CMBL: variants seen among roughly 807,000 people sequenced by gnomAD.
The protein encoded by CMBL is carboxymethylenebutenolidase homolog (Pseudomonas).
Under a neutral mutation model 28.7 loss-of-function variants are expected in CMBL, and 17 were observed. The ratio of observed to expected loss-of-function variants is 0.59; its 90% CI spans 0.41 to 0.89. The LOEUF is 0.89. CMBL is among the 40% of genes least tolerant of loss of function. The pLI is 0.00. For synonymous variants in CMBL, 106 were observed against 101.6 expected, an observed-to-expected ratio of 1.04 and a Z score of -0.26; for missense variants, 310 against 298.5, an observed-to-expected ratio of 1.04 and a Z score of -0.28.
rs998513405 is a variant in CMBL, at chr5:10,279,107, G to A, written c.*1346C>T. 2.0e-5 allele frequency among the ~76,000 whole-genome samples: 3 copies of A among 152,094 alleles called. No homozygotes were observed. Among genetic ancestry groups the A allele is most frequent in the Non-Finnish European group, 2.9e-5 (2 of 68,034 alleles). On this transcript the variant is annotated 3_prime_UTR_variant, in exon 6 of 6. Transcript: ENST00000296658. ...AGGTGCAGGTGCAGAGTTTCTCACC[G>A]GCTCTCCCCTTTACGCCACCACCAG...
chr5:10,282,761 A>C (rs1746519565), intron 4 of CMBL, among the ~76,000 whole-genome samples: 1 of 151,736 alleles, frequency 6.6e-6, no homozygotes, highest in African/African-American at 2.4e-5. Context: ...CAGCTTGGGC[A>C]ACAAAGTGAG....
chr5:10,281,570 C>CTTTGTTGATAAGGA (rs1157997860), intron 5 of CMBL, among the ~76,000 whole-genome samples: 1 of 152,150 alleles, frequency 6.6e-6, no homozygotes, highest in African/African-American at 2.4e-5. Context: ...TATCAACTGA[C>CTTTGTTGATAAGGA]TTTGTTTAAT....
intron 1 of CMBL, among the ~76,000 whole-genome samples, chr5:10,302,472 T>C (rs1211239128): frequency 2.9e-5 from 4 of 137,332 alleles, no homozygotes; most frequent in South Asian, 2.3e-4. Context: ...GGCAAAACCT[T>C]GTCTCTACTA....
intron 1 of CMBL, among the ~76,000 whole-genome samples, chr5:10,306,816 C>T (rs1747008770): frequency 1.3e-5 from 2 of 152,176 alleles, no homozygotes; most frequent in Admixed American, 1.3e-4. Flanking sequence ...CACAATGGCC[C>T]TCTTAGACAT....
chr5:10,280,675 C>T (rs776109531), intron 5 of CMBL, 43 bp from the exon 6 acceptor site: 3 of 1,506,104 alleles, frequency 2.0e-6, no homozygotes, highest in Non-Finnish European at 2.7e-6. Context: ...TTTAGTGATA[C>T]TTTCCATTCT....
rs777982267 is a variant in CMBL, at chr5:10,288,457, C to T, written c.288G>A (p.Glu96=). The change falls in exon 3 of 6, where the codon GAG becomes GAA. Residue 96 remains glutamate (E), a synonymous_variant. Transcript: ENST00000296658. ...DPSGDWSIFP[E]WLKTRNAQKI... ...TCTGGGCATTTCTTGTTTTCAGCCACTCAGGGAAGATAGACCAGTCGCCAG... is the reference window on the plus strand; with the variant it reads ...TCTGGGCATTTCTTGTTTTCAGCCATTCAGGGAAGATAGACCAGTCGCCAG... The T allele has an allele frequency of 4.3e-6, 7 of 1,613,988 alleles. No individual in the cohort carries two copies. Among genetic ancestry groups the T allele is most frequent in the African/African-American group, 1.3e-5 (1 of 74,932 alleles).
intron 1 of CMBL, among the ~76,000 whole-genome samples, chr5:10,291,690 A>G (rs1746723431): frequency 1.3e-5 from 2 of 152,236 alleles, no homozygotes; most frequent in South Asian, 4.1e-4. Flanking sequence ...AAAGAAAAGA[A>G]AAAGAAAGCA....
At position 10,290,798 on chromosome 5, in the gene CMBL, A is replaced by G; in HGVS notation, c.-19-17T>C. ...TAAGTCGGGCTATGGAGAGAGAAAC[A>G]TGCGTTATATTCTGAATGCTGCAAA... On this transcript the variant is annotated splice_polypyrimidine_tract_variant and intron_variant, in intron 1 of 5. Coordinates refer to ENST00000296658, the MANE Select transcript of CMBL (RefSeq NM_138809.4). 1 of 1,548,192 alleles carries G rather than the reference A, an allele frequency of 6.5e-7. No homozygotes were observed. Among genetic ancestry groups the G allele is most frequent in the Non-Finnish European group, 8.9e-7 (1 of 1,120,232 alleles).
chr5:10,298,269 A>G (rs1746842171), intron 1 of CMBL, among the ~76,000 whole-genome samples: 1 of 152,194 alleles, frequency 6.6e-6, no homozygotes, highest in Non-Finnish European at 1.5e-5. Flanking sequence ...GCGAAATTTC[A>G]ACAATCAGAA....
chr5:10,278,267 G>A lies in CMBL; in HGVS notation c.*2186C>T, dbSNP rs918859966. Among the ~76,000 whole-genome samples the A allele has an allele frequency of 6.6e-6, 1 of 152,166 alleles. No individual in the cohort carries two copies. Among genetic ancestry groups the A allele is most frequent in the African/African-American group, 2.4e-5 (1 of 41,434 alleles). On this transcript the variant is annotated 3_prime_UTR_variant, in exon 6 of 6. Coordinates refer to ENST00000296658, the MANE Select transcript of CMBL (RefSeq NM_138809.4). ...ACTAGAAGCAGGGATTAGTAACACA[G>A]TTTCCAGTTATACAACTTCTCACTG... is the stretch of plus-strand genomic sequence containing the variant.
At position 10,280,483 on chromosome 5, in the gene CMBL, A is replaced by G. The variant is rs768392633; in HGVS notation, c.708T>C (p.Asn236=). Residue 236 remains asparagine (N), a synonymous_variant, in exon 6 of 6, where the codon AAT becomes AAC. Transcript: ENST00000296658. The stretch of plus-strand genomic sequence containing the variant: ...TGTACTTGTTCAGCCACTCAATTAA[A>G]TTCCTTCTGGCCTCGTCAATGTAGG... ...DKPYIDEARR[N]LIEWLNKYM is the part of the protein sequence containing the mutation. 3.7e-6 allele frequency: 6 copies of G among 1,607,488 alleles called. No homozygotes were observed. The highest frequency in any genetic ancestry group is 5.1e-6 in the Non-Finnish European group (6 of 1,174,922).
At chr5:10,296,785 G>C (rs562219294) in intron 1 of CMBL, among the ~76,000 whole-genome samples, 6 of 152,292 alleles carry the variant, frequency 3.9e-5, no homozygotes, top group African/African-American at 1.4e-4. Context: ...AATGAATGCT[G>C]AGTGTTGCCC....
intron 1 of CMBL, among the ~76,000 whole-genome samples, chr5:10,305,415 T>G (rs1478160849): frequency 6.6e-6 from 1 of 151,742 alleles, no homozygotes; most frequent in Non-Finnish European, 1.5e-5. Context: ...GATGTGTAAT[T>G]TTCCAGAGAG....
At chr5:10,299,426 G>A (rs957203107) in intron 1 of CMBL, among the ~76,000 whole-genome samples, 1 of 152,168 alleles carries the variant, frequency 6.6e-6, no homozygotes, top group Non-Finnish European at 1.5e-5. Context: ...TGGTACACTT[G>A]TAGGGAAATG....
intron 1 of CMBL, 85 bp from the exon 2 acceptor site, chr5:10,290,866 T>G: frequency 9.6e-7 from 1 of 1,039,684 alleles, no homozygotes; most frequent in South Asian, 1.5e-5. Context: ...ATCAAGATTA[T>G]AGAAAAAAAT....
At chr5:10,295,059 G>A (rs1244133364) in intron 1 of CMBL, among the ~76,000 whole-genome samples, 1 of 151,872 alleles carries the variant, frequency 6.6e-6, no homozygotes, top group Admixed American at 6.6e-5. Flanking sequence ...TGCAGATCCT[G>A]TATTGATGAA....
intron 4 of CMBL, among the ~76,000 whole-genome samples, chr5:10,284,812 T>C (rs1746567360): frequency 1.3e-5 from 2 of 152,218 alleles, no homozygotes; most frequent in Non-Finnish European, 2.9e-5. Flanking sequence ...ATATTTCCTA[T>C]GTGTCTTTTT....
At chr5:10,295,087 T>G (rs1359389935) in intron 1 of CMBL, among the ~76,000 whole-genome samples, 1 of 147,226 alleles carries the variant, frequency 6.8e-6, no homozygotes, top group Non-Finnish European at 1.5e-5. Flanking sequence ...ACTTGCTGAT[T>G]TTTTTTTTTT....
Position 10,297,127 on chromosome 5 carries a change from G to A in CMBL, c.-19-6346C>T, listed in dbSNP as rs567696374. Among the ~76,000 whole-genome samples the A allele has an allele frequency of 3.5e-4, 53 of 151,280 alleles. 1 individual carries two copies. In the South Asian group the frequency reaches 0.011, roughly 31 times the overall value. ...TTGAACCTGGGAAGCGGAGGTTGCA[G>A]TGAACCGAGATCACGCCATTGCACT... On this transcript the variant is annotated intron_variant, in intron 1 of 5. Transcript: ENST00000296658.
Sources: allele counts gnomAD v4.1 joint callset (sites outside exome capture counted in the v4.1 genomes callset), GRCh38; gene constraint gnomAD v4.1.1; transcripts MANE v1.5; gene names NCBI Gene and HGNC (gene_info 2026-07-23, HGNC 2026-07-21).